The following SLC39A10 variants were observed in gnomAD, a reference collection of about 807,000 sequenced individuals.
SLC39A10 encodes zinc transporter ZIP10.
Under a neutral mutation model 65.1 loss-of-function variants are expected in SLC39A10, and 13 were observed. The observed-to-expected ratio is 0.20, with a 90% confidence interval of 0.13 to 0.32. SLC39A10 has a LOEUF of 0.32. SLC39A10 is among the 10% of genes least tolerant of loss of function. SLC39A10 has a pLI of 1.00. For synonymous variants in SLC39A10, 321 were observed against 342.2 expected (o/e 0.94, Z 0.68); for missense variants, 831 against 1,018.4 (o/e 0.82, Z 2.50).
chr2:195,710,890 G>A (rs1691581891), intron 5 of SLC39A10, among the ~76,000 whole-genome samples: 1 of 152,128 alleles, frequency 6.6e-6, no homozygotes, highest in Admixed American at 6.6e-5. Flanking sequence ...TGGTGGGAGG[G>A]ATGCCAACAC....
chr2:195,620,228 T>G (rs1432528349), intron 2 of SLC39A10, among the ~76,000 whole-genome samples: 1 of 152,108 alleles, frequency 6.6e-6, no homozygotes, highest in Non-Finnish European at 1.5e-5. Flanking sequence ...CCAGCCTGCC[T>G]CCAGGACTTT....
At position 195,680,174 on chromosome 2, in the gene SLC39A10, A is replaced by G; in HGVS notation, c.132A>G (p.Thr44=). The G allele has an allele frequency of 2.5e-6, 4 of 1,614,174 alleles. No individual in the cohort carries two copies. Among genetic ancestry groups the G allele is most frequent in the Non-Finnish European group, 3.4e-6 (4 of 1,180,032 alleles). ...EALHRQHRGM[T]ELEPSKFSKQ... ...TTCACAGACAGCATCGTGGAATGAC[A>G]GAATTGGAGCCAAGCAAATTTTCAA... The change falls in exon 2 of 10, where the codon ACA becomes ACG. Residue 44 remains threonine (T), a synonymous_variant. Coordinates refer to ENST00000359634, the MANE Select transcript of SLC39A10 (RefSeq NM_020342.3).
intron 1 of SLC39A10, among the ~76,000 whole-genome samples, chr2:195,672,662 A>G (rs940585176): frequency 2.6e-5 from 4 of 152,174 alleles, no homozygotes; most frequent in Non-Finnish European, 4.4e-5. Context: ...GTAGAGACAA[A>G]TGACGTTTTA....
intron 2 of SLC39A10, among the ~76,000 whole-genome samples, chr2:195,638,334 C>A (rs1559011031): frequency 6.6e-6 from 1 of 150,734 alleles, no homozygotes; most frequent in African/African-American, 2.4e-5. Flanking sequence ...CTTTTTTAAA[C>A]TTTTTTTTTA....
chr2:195,695,255 T>C lies in SLC39A10; in HGVS notation c.1216+11349T>C, dbSNP rs547077855. ...GATAGGCATGGCTGAGCTCAGACTC[T>C]CCTTGGGTGGGGCTTCCTGTGGCCG... On this transcript the variant is annotated intron_variant, in intron 3 of 9. Transcript: ENST00000359634. Among the ~76,000 whole-genome samples, 119 of 152,244 alleles carry C rather than the reference T, an allele frequency of 7.8e-4. 1 individual carries two copies. Among genetic ancestry groups the C allele is most frequent in the Non-Finnish European group, 1.3e-3 (88 of 67,992 alleles).
chr2:195,696,342 A>G (rs565907697), intron 3 of SLC39A10, among the ~76,000 whole-genome samples: 6 of 150,452 alleles, frequency 4.0e-5, no homozygotes, highest in African/African-American at 1.2e-4. Context: ...AAAACCTATC[A>G]TTAGGATTTT....
At chr2:195,686,344 A>G (rs1399114348) in intron 3 of SLC39A10, among the ~76,000 whole-genome samples, 2 of 152,204 alleles carry the variant, frequency 1.3e-5, no homozygotes, top group African/African-American at 4.8e-5. Context: ...TAGGAAAATA[A>G]ATTTAGACTA....
At chr2:195,663,540 C>G (rs142355888) in intron 1 of SLC39A10, among the ~76,000 whole-genome samples, 14 of 151,952 alleles carry the variant, frequency 9.2e-5, no homozygotes, top group African/African-American at 3.4e-4. Flanking sequence ...ATACACATAA[C>G]GTATTCTGTG....
Position 195,701,923 on chromosome 2 carries a change from C to T in SLC39A10, c.1217-4693C>T, listed in dbSNP as rs148336276. ...TCTCAAACGCCTGGGCTCAGGTAAT[C>T]TCCCATCACAGCCTCCCAGAGTGTT... On this transcript the variant is annotated intron_variant, in intron 3 of 9. Transcript: ENST00000359634. 2.4e-4 allele frequency among the ~76,000 whole-genome samples: 36 copies of T among 152,230 alleles called. No homozygotes were observed. The East Asian group carries it at 7.0e-3, about 29-fold the overall frequency.
intron 3 of SLC39A10, among the ~76,000 whole-genome samples, chr2:195,692,517 T>A (rs1330806432): frequency 6.6e-6 from 1 of 152,226 alleles, no homozygotes; most frequent in Non-Finnish European, 1.5e-5. Flanking sequence ...ATCTATGATG[T>A]CTTTCAGCAC....
At position 195,728,346 on chromosome 2, in the gene SLC39A10, T is replaced by G. The variant is rs1306262846; in HGVS notation, c.2334T>G (p.Asp778Glu). ...TGTTCCTCTATGTAGCCTTGGTGGATATGGTAAGATATTTTATATTTTTTT... is the reference window on the plus strand; with the variant it reads ...TGTTCCTCTATGTAGCCTTGGTGGAGATGGTAAGATATTTTATATTTTTTT... The part of the protein sequence containing the change: ...AGMFLYVALV[D>E]MLPEMLHGDG... The change falls in exon 9 of 10, where the codon GAT (aspartate) becomes GAG (glutamate). Residue 778 changes from aspartate (D) to glutamate (E), a missense_variant. This residue lies in a region of SLC39A10 where 120 missense variants were observed against 203.9 expected (regional missense o/e 0.59). Transcript: ENST00000359634. The surrounding 1 kb of genome is among the most constrained non-coding windows in gnomAD (Gnocchi z 4.4). The G allele has an allele frequency of 6.2e-7, 1 of 1,608,132 alleles. No homozygotes were observed.
chr2:195,666,213 T>C (rs999681187), intron 1 of SLC39A10, among the ~76,000 whole-genome samples: 16 of 152,320 alleles, frequency 1.1e-4, no homozygotes, highest in African/African-American at 3.6e-4. Flanking sequence ...AAGTAGCCTC[T>C]GTGTTGTCTG....
intron 2 of SLC39A10, among the ~76,000 whole-genome samples, chr2:195,639,233 T>G (rs1308215558): frequency 6.6e-6 from 1 of 152,204 alleles, no homozygotes; most frequent in Non-Finnish European, 1.5e-5. Context: ...ATTACAAGCG[T>G]GAGCCACTGT....
At chr2:195,657,896 G>T (rs1020926087) in intron 1 of SLC39A10, among the ~76,000 whole-genome samples, 2 of 152,182 alleles carry the variant, frequency 1.3e-5, no homozygotes, top group East Asian at 3.8e-4. Context: ...GCTCCTACTA[G>T]TTTTCTCCCG....
intron 3 of SLC39A10, among the ~76,000 whole-genome samples, chr2:195,689,312 C>T (rs1690637428): frequency 6.6e-6 from 1 of 151,986 alleles, no homozygotes; most frequent in Non-Finnish European, 1.5e-5. Context: ...GTCCCACCTA[C>T]TTAGGAGGCG....
At chr2:195,669,976 T>C (rs1025103829) in intron 1 of SLC39A10, among the ~76,000 whole-genome samples, 1 of 152,178 alleles carries the variant, frequency 6.6e-6, no homozygotes, top group African/African-American at 2.4e-5. Context: ...CTGGCCAACA[T>C]GGAGAAATCC....
intron 3 of SLC39A10, among the ~76,000 whole-genome samples, chr2:195,688,457 T>C (rs1211113716): frequency 6.6e-6 from 1 of 152,220 alleles, no homozygotes; most frequent in East Asian, 1.9e-4. Context: ...CCATTTCTGC[T>C]CATAGGTCAA....
rs1319020252 is a variant in SLC39A10 at position 195,736,926 on chromosome 2, C to G, written c.*1885C>G. Reference sequence around the variant, plus strand: ...TGAACCAAGATATATTTATAGTTCACTTTTGGGTTTTTATACCCACGGTAG... The same window carrying G: ...TGAACCAAGATATATTTATAGTTCAGTTTTGGGTTTTTATACCCACGGTAG... On this transcript the variant is annotated 3_prime_UTR_variant, in exon 10 of 10. Coordinates refer to ENST00000359634, the MANE Select transcript of SLC39A10 (RefSeq NM_020342.3). The G allele has an allele frequency of 6.6e-6, 1 of 152,502 alleles. No homozygotes were observed. The highest frequency in any genetic ancestry group is 1.9e-4 in the East Asian group (1 of 5,198). The allele number at this position is 152,502 out of a possible 1,614,324, so 9.4% of individuals were successfully genotyped here. A position where few individuals can be genotyped will look rare whatever the true frequency, so the allele number is the denominator to read the frequency against.
At chr2:195,634,414 C>G (rs1180321945) in intron 2 of SLC39A10, among the ~76,000 whole-genome samples, 1 of 152,094 alleles carries the variant, frequency 6.6e-6, no homozygotes, top group Non-Finnish European at 1.5e-5. Context: ...AATTTTTTCT[C>G]TTTTATTTGA....
Sources: allele counts gnomAD v4.1 joint callset (sites outside exome capture counted in the v4.1 genomes callset), GRCh38; gene constraint gnomAD v4.1.1; regional missense constraint gnomAD v4.1.1; non-coding constraint Gnocchi (gnomAD v3.1); transcripts MANE v1.5; gene names NCBI Gene and HGNC (gene_info 2026-07-23, HGNC 2026-07-21).